Variants in AUH observed in about 807,000 individuals in gnomAD.
The protein encoded by AUH is AU RNA binding methylglutaconyl-CoA hydratase.
AUH carries 29 observed loss-of-function variants against 42.3 expected under a neutral mutation model. The observed-to-expected ratio is 0.69, with a 90% confidence interval of 0.51 to 0.93. AUH has a LOEUF of 0.93. AUH is among the 40% of genes least tolerant of loss of function. The pLI, the probability that AUH is intolerant of heterozygous loss-of-function variation, is 0.00. For missense variants in AUH, 452 were observed against 438.1 expected (o/e 1.03, Z -0.28); for synonymous variants, 174 against 166.4 (o/e 1.05, Z -0.35).
chr9:91,248,667 G>A (rs1173465380), intron 6 of AUH, among the ~76,000 whole-genome samples: 1 of 152,144 alleles, frequency 6.6e-6, no homozygotes, highest in Non-Finnish European at 1.5e-5. Flanking sequence ...ACTTATATAT[G>A]TACAGTAAGT....
chr9:91,351,745 G>A (rs1004812703), intron 3 of AUH, among the ~76,000 whole-genome samples: 1 of 152,164 alleles, frequency 6.6e-6, no homozygotes, highest in Admixed American at 6.6e-5. Context: ...CTACGCATGC[G>A]AGGGATCTAG....
At chr9:91,233,439 T>C (rs1416927794) in intron 6 of AUH, among the ~76,000 whole-genome samples, 1 of 152,136 alleles carries the variant, frequency 6.6e-6, no homozygotes. Flanking sequence ...GGGTTTACTC[T>C]GAGGGGGACA....
chr9:91,291,922 C>T, intron 6 of AUH, among the ~76,000 whole-genome samples: 1 of 87,404 alleles, frequency 1.1e-5, no homozygotes, highest in East Asian at 3.2e-4. Flanking sequence ...GACTCCGTGT[C>T]AAAAAAAAAA....
At position 91,313,134 on chromosome 9, in the gene AUH, C is replaced by G. The variant is rs182066010; in HGVS notation, c.505+12184G>C. 8.1e-3 allele frequency among the ~76,000 whole-genome samples: 1,237 copies of G among 152,254 alleles called. 11 individuals are homozygous for G. Among genetic ancestry groups the G allele is most frequent in the Middle Eastern group, 0.014 (4 of 294 alleles). On this transcript the variant is annotated intron_variant, in intron 4 of 9. Transcript: ENST00000375731. ...GACTTACTGAGCTGATTCAGGTAGA[C>G]TGGAATCTCCTGCTTTCAGGAAAAA...
At chr9:91,224,591 G>C (rs888009589) in intron 6 of AUH, among the ~76,000 whole-genome samples, 1 of 151,998 alleles carries the variant, frequency 6.6e-6, no homozygotes, top group African/African-American at 2.4e-5. Context: ...TAGTTCTTAT[G>C]CTATGGTCTT....
intron 6 of AUH, among the ~76,000 whole-genome samples, chr9:91,235,499 A>G (rs1287515109): frequency 6.6e-6 from 1 of 152,208 alleles, no homozygotes; most frequent in African/African-American, 2.4e-5. Flanking sequence ...TTTACACATA[A>G]GAGTGGAGCA....
chr9:91,331,641 G>A (rs968260638), intron 3 of AUH, among the ~76,000 whole-genome samples: 2 of 152,112 alleles, frequency 1.3e-5, no homozygotes, highest in African/African-American at 2.4e-5. Context: ...TAACAATTTT[G>A]AGAAAACATA....
chr9:91,219,070 G>A, intron 7 of AUH: 1 of 978,980 alleles, frequency 1.0e-6, no homozygotes, highest in Non-Finnish European at 1.2e-6. Flanking sequence ...CCACACAATG[G>A]GATGCGGCTC....
At position 91,220,991 on chromosome 9, in the gene AUH, C is replaced by T. The variant is rs141110052; in HGVS notation, c.657G>A (p.Gly219=). 2.0e-5 allele frequency: 32 copies of T among 1,614,000 alleles called. No homozygotes were observed. In the African/African-American group the frequency reaches 3.1e-4, roughly 15 times the overall value. Residue 219 remains glycine (G), a splice_region_variant and synonymous_variant, in exon 7 of 10, where the codon GGG becomes GGA. Transcript: ENST00000375731. The part of the protein sequence containing the change: ...ETKLAIIPGG[G]GTQRLPRAIG... ...TGGCGCGTGGCAATCGCTGTGTCCC[C>T]CCTGAGGGGTGAAAGAGAGAGAAAA...
intron 6 of AUH, among the ~76,000 whole-genome samples, chr9:91,251,265 T>A (rs1351996020): frequency 2.0e-5 from 3 of 152,168 alleles, no homozygotes. Flanking sequence ...ATGGTTGAGG[T>A]GCTGAGCTCT....
chr9:91,220,199 G>A (rs1463391813), intron 7 of AUH, among the ~76,000 whole-genome samples: 1 of 152,178 alleles, frequency 6.6e-6, no homozygotes, highest in African/African-American at 2.4e-5. Context: ...TCACTCCTGA[G>A]TCAGCCATAC....
intron 4 of AUH, among the ~76,000 whole-genome samples, chr9:91,302,640 C>T (rs761817175): frequency 2.6e-5 from 4 of 151,590 alleles, no homozygotes; most frequent in Non-Finnish European, 4.4e-5. Context: ...CATGGTGGTG[C>T]GTGCCTGTAA....
At chr9:91,239,025 C>T (rs1435423791) in intron 6 of AUH, among the ~76,000 whole-genome samples, 2 of 152,190 alleles carry the variant, frequency 1.3e-5, no homozygotes, top group African/African-American at 2.4e-5. Context: ...TTAAAATAAT[C>T]TAAAGCAAGC....
chr9:91,287,032 T>C (rs1048375099), intron 6 of AUH, among the ~76,000 whole-genome samples: 2 of 152,044 alleles, frequency 1.3e-5, no homozygotes, highest in Non-Finnish European at 2.9e-5. Flanking sequence ...TGTAGATATA[T>C]ATAAAAACAC....
At chr9:91,221,811 A>G (rs142903860) in intron 6 of AUH, among the ~76,000 whole-genome samples, 102 of 152,280 alleles carry the variant, frequency 6.7e-4, no homozygotes, top group African/African-American at 2.4e-3. Flanking sequence ...AGATAGCCTA[A>G]CTCACTAGAT....
chr9:91,254,599 A>G (rs181301813), intron 6 of AUH, among the ~76,000 whole-genome samples: 53 of 152,350 alleles, frequency 3.5e-4, no homozygotes, highest in Non-Finnish European at 7.4e-4. Context: ...AAAGTGTGAT[A>G]GTAGAAACAA....
intron 6 of AUH, among the ~76,000 whole-genome samples, chr9:91,277,691 A>G (rs1190736721): frequency 6.6e-6 from 1 of 152,158 alleles, no homozygotes; most frequent in Non-Finnish European, 1.5e-5. Flanking sequence ...TGTTTTCCCT[A>G]TTGTTTGAAT....
intron 6 of AUH, among the ~76,000 whole-genome samples, chr9:91,270,017 C>T (rs776403819): frequency 6.6e-6 from 1 of 152,176 alleles, no homozygotes; most frequent in Non-Finnish European, 1.5e-5. Flanking sequence ...CAAACTCTAT[C>T]AAGTGAGCCA....
At position 91,220,796 on chromosome 9, in the gene AUH, G is replaced by A. The variant is rs1448255361; in HGVS notation, c.843+9C>T. 2 of 1,613,622 alleles carry A rather than the reference G, an allele frequency of 1.2e-6. No homozygotes were observed. The highest frequency in any genetic ancestry group is 1.7e-6 in the Non-Finnish European group (2 of 1,179,844). ...ATGAGAAAAAATAAACTCATTTAATGAGAAATACCTGAGGTAAAAACTCTC... is the reference window on the plus strand; with the variant it reads ...ATGAGAAAAAATAAACTCATTTAATAAGAAATACCTGAGGTAAAAACTCTC... On this transcript the variant is annotated intron_variant, in intron 7 of 9. Transcript: ENST00000375731.
Sources: gnomAD v4.1 joint callset for allele counts (sites outside exome capture counted in the v4.1 genomes callset) on GRCh38, gnomAD v4.1.1 for gene constraint, MANE v1.5 for transcripts, NCBI Gene and HGNC (gene_info 2026-07-23, HGNC 2026-07-21) for gene names.